C2CD2: variants seen among roughly 807,000 people sequenced by gnomAD.
C2CD2 encodes C2 calcium dependent domain containing 2, also known as C2 domain-containing protein 2.
A neutral mutation model predicts 74.3 loss-of-function variants in C2CD2; 43 were observed. The ratio of observed to expected loss-of-function variants is 0.58; its 90% CI spans 0.45 to 0.75. The LOEUF (loss-of-function observed/expected upper bound fraction) is 0.75. Ranked by LOEUF, C2CD2 falls within the 30% of genes least tolerant of loss-of-function variation. The pLI, the probability that C2CD2 is intolerant of heterozygous loss-of-function variation, is 0.00. For synonymous variants in C2CD2, 422 were observed against 390.7 expected, an observed-to-expected ratio of 1.08 and a Z score of -0.94; for missense variants, 801 against 916.3, an observed-to-expected ratio of 0.87 and a Z score of 1.63.
intron 2 of C2CD2, among the ~76,000 whole-genome samples, chr21:41,934,062 G>A (rs187926312): frequency 2.1e-3 from 324 of 152,056 alleles, no homozygotes; most frequent in Middle Eastern, 0.014. Context: ...AAAAAAGTTT[G>A]GACATTTTTA....
rs1252913243 is a variant in C2CD2, at chr21:41,924,430, G to A, written c.379-2345C>T. 1.3e-5 allele frequency among the ~76,000 whole-genome samples: 2 copies of A among 152,160 alleles called. No homozygotes were observed. Among genetic ancestry groups the A allele is most frequent in the Non-Finnish European group, 2.9e-5 (2 of 68,034 alleles). On this transcript the variant is annotated intron_variant, in intron 2 of 13. Transcript: ENST00000380486. The surrounding 1 kb of genome is among the most constrained non-coding windows in gnomAD (Gnocchi z 4.4). ...AGAAAGTCGTGCAACTCTTTCTACC[G>A]GTTCTTATAACGCCACGTTCAGAAG...
chr21:41,900,690 C>T (rs760235459), intron 12 of C2CD2, among the ~76,000 whole-genome samples: 6 of 152,220 alleles, frequency 3.9e-5, no homozygotes, highest in Admixed American at 6.5e-5. Context: ...CCATCTTCTG[C>T]GTGCCCTCTG....
intron 7 of C2CD2, among the ~76,000 whole-genome samples, chr21:41,911,388 C>CTTTT (rs58934224): frequency 6.0e-5 from 7 of 116,754 alleles, no homozygotes; most frequent in Non-Finnish European, 1.1e-4. Context: ...TATCTCGATT[C>CTTTT]TTTTTTTTTT....
rs377054959 is a variant in C2CD2 at position 41,924,531 on chromosome 21, T to C, written c.379-2446A>G. On this transcript the variant is annotated intron_variant, in intron 2 of 13. Transcript: ENST00000380486. The surrounding 1 kb of genome is among the most constrained non-coding windows in gnomAD (Gnocchi z 4.4). Reference sequence around the variant, plus strand: ...AAGGGCCAGAACAAAAAAATGTTTGTATAAGAAATGTTGTCTATTCATGTT... The same window carrying C: ...AAGGGCCAGAACAAAAAAATGTTTGCATAAGAAATGTTGTCTATTCATGTT... Among the ~76,000 whole-genome samples, 23 of 152,298 alleles carry C rather than the reference T, an allele frequency of 1.5e-4. No individual in the cohort carries two copies. The East Asian group carries it at 2.1e-3, about 14-fold the overall frequency.
chr21:41,940,751 A>T (rs1281357244), intron 2 of C2CD2, among the ~76,000 whole-genome samples: 1 of 152,246 alleles, frequency 6.6e-6, no homozygotes, highest in Non-Finnish European at 1.5e-5. Flanking sequence ...GTTATGGGGA[A>T]GGCGGGAAGC....
intron 3 of C2CD2, among the ~76,000 whole-genome samples, chr21:41,920,240 G>A (rs2065141014): frequency 6.6e-6 from 1 of 152,210 alleles, no homozygotes; most frequent in African/African-American, 2.4e-5. Context: ...CCTTCACGAT[G>A]GCATCACCAA....
intron 2 of C2CD2, among the ~76,000 whole-genome samples, chr21:41,925,754 C>A (rs56892458): frequency 0.013 from 1,933 of 152,340 alleles, 46 homozygotes; most frequent in African/African-American, 0.045. Flanking sequence ...GGGTTCCTCG[C>A]ATCACAGCAG....
chr21:41,905,701 C>A, intron 11 of C2CD2, 23 bp downstream of exon 11: 1 of 1,245,574 alleles, frequency 8.0e-7, no homozygotes, highest in Non-Finnish European at 1.2e-6. Flanking sequence ...AGAGGGAGAG[C>A]GACGTGGGCG....
intron 1 of C2CD2, among the ~76,000 whole-genome samples, chr21:41,944,166 G>A (rs755259215): frequency 5.3e-5 from 8 of 152,136 alleles, no homozygotes; most frequent in African/African-American, 1.2e-4. Flanking sequence ...CCCCTGAGGC[G>A]GCAGATGCAG....
At chr21:41,905,903 A>G in intron 10 of C2CD2, 66 bp from the exon 11 acceptor site, 1 of 893,170 alleles carries the variant, frequency 1.1e-6, no homozygotes, top group Non-Finnish European at 1.9e-6. Flanking sequence ...GTTACCGAAA[A>G]GTGAAAGGAC....
At chr21:41,898,690 G>A (rs1038558098) in intron 13 of C2CD2, among the ~76,000 whole-genome samples, 5 of 152,306 alleles carry the variant, frequency 3.3e-5, no homozygotes, top group African/African-American at 4.8e-5. Flanking sequence ...GGCAGTGGAA[G>A]GAGCCCCAGG....
rs1476758170 is a variant in C2CD2, at chr21:41,885,582, C to G, written c.*3542G>C. 2.0e-5 allele frequency: 3 copies of G among 152,722 alleles called. No individual in the cohort carries two copies. Among genetic ancestry groups the G allele is most frequent in the African/African-American group, 7.2e-5 (3 of 41,442 alleles). 9.5% of individuals were successfully genotyped at this position (152,722 alleles called of 1,614,324 possible). Reference sequence around the variant, plus strand: ...CCGGTTTGGGGCAGTGGGGAGAGGGCCTGGCAGCAGGGTTTACGCCAGCCC... The same window carrying G: ...CCGGTTTGGGGCAGTGGGGAGAGGGGCTGGCAGCAGGGTTTACGCCAGCCC... On this transcript the variant is annotated 3_prime_UTR_variant, in exon 14 of 14. Transcript: ENST00000380486.
rs1332786181 is a variant in C2CD2, at chr21:41,909,476, G to A, written c.1001C>T (p.Ala334Val). 1 of 1,613,468 alleles carries A rather than the reference G, an allele frequency of 6.2e-7. No homozygotes were observed. Among genetic ancestry groups the A allele is most frequent in the African/African-American group, 1.3e-5 (1 of 75,030 alleles). Reference protein sequence around the residue: ...SKELHLQISEAGRSSEGLLAT... With the variant: ...SKELHLQISEVGRSSEGLLAT... ...CAACCCACCTTCTGAGGATCGCCCA[G>A]CCTCTGAAATCTGCAGGTGTAACTC... The change falls in exon 8 of 14, where the codon GCT (alanine) becomes GTT (valine). Residue 334 changes from alanine (A) to valine (V), a missense_variant. Transcript: ENST00000380486.
intron 2 of C2CD2, among the ~76,000 whole-genome samples, chr21:41,922,375 G>A (rs2065164689): frequency 2.0e-5 from 3 of 152,034 alleles, no homozygotes; most frequent in African/African-American, 7.2e-5. Flanking sequence ...GTATTACTGA[G>A]GCTGGTTTTG....
intron 11 of C2CD2, 142 bp downstream of exon 11, chr21:41,905,582 T>A: frequency 1.8e-6 from 1 of 565,844 alleles, no homozygotes; most frequent in Non-Finnish European, 3.2e-6. Context: ...CCTCCCAAAG[T>A]GCTGAGATTA....
rs4920099 is a variant in C2CD2, at chr21:41,886,464, C to T, written c.*2660G>A. ...ATACAGCCCATTTCTCACGGTGCTA[C>T]CCTGAAGCTAGCCGACGTGTTGCCT... On this transcript the variant is annotated 3_prime_UTR_variant, in exon 14 of 14. Coordinates refer to ENST00000380486, the MANE Select transcript of C2CD2 (RefSeq NM_015500.2). The T allele has an allele frequency of 0.042, 6,366 of 152,250 alleles. 227 individuals carry two copies. The highest frequency in any genetic ancestry group is 0.11 in the Middle Eastern group (31 of 294). 9.4% of individuals were successfully genotyped at this position (152,250 alleles called of 1,614,324 possible).
rs1010004629 is a variant in C2CD2 at position 41,903,724 on chromosome 21, G to A, written c.1433-1975C>T. Among the ~76,000 whole-genome samples, 1 of 152,118 alleles carries A rather than the reference G, an allele frequency of 6.6e-6. No homozygotes were observed. The highest frequency in any genetic ancestry group is 1.5e-5 in the Non-Finnish European group (1 of 68,010). On this transcript the variant is annotated intron_variant, in intron 11 of 13. Transcript: ENST00000380486. This position sits in a 1 kb window ranked among gnomAD's most constrained non-coding sequence, Gnocchi z 4.5. ...GCCCAGTGCTTCTGTTCAGTCCCCC[G>A]AGAGCCCGGTCCAGGTGCCAGGTGC... is the stretch of plus-strand genomic sequence containing the variant.
At position 41,895,635 on chromosome 21, in the gene C2CD2, G is replaced by T. The variant is rs2064813110; in HGVS notation, c.1870+3418C>A. Among the ~76,000 whole-genome samples the T allele has an allele frequency of 6.6e-6, 1 of 152,104 alleles. No individual in the cohort carries two copies. Among genetic ancestry groups the T allele is most frequent in the Non-Finnish European group, 1.5e-5 (1 of 68,020 alleles). On this transcript the variant is annotated intron_variant, in intron 13 of 13. Transcript: ENST00000380486. This position sits in a 1 kb window ranked among gnomAD's most constrained non-coding sequence, Gnocchi z 5.0. ...AAAGTCTTTCCCTGGTTCTAACAAG[G>T]TTTAAAAAACAAATCACAAGAAGGC...
intron 2 of C2CD2, among the ~76,000 whole-genome samples, chr21:41,940,478 A>C (rs552625502): frequency 4.6e-5 from 7 of 152,382 alleles, no homozygotes; most frequent in African/African-American, 1.7e-4. Flanking sequence ...GTCTGGGGCC[A>C]CACAGGCGTC....
Sources: gnomAD v4.1 joint callset for allele counts (sites outside exome capture counted in the v4.1 genomes callset) on GRCh38, gnomAD v4.1.1 for gene constraint, Gnocchi (gnomAD v3.1) non-coding constraint, MANE v1.5 for transcripts, NCBI Gene and HGNC (gene_info 2026-07-23, HGNC 2026-07-21) for gene names.